Variants in GPHN observed in about 807,000 individuals in gnomAD.
The protein encoded by GPHN is gephyrin.
Under a neutral mutation model 95.5 loss-of-function variants are expected in GPHN, and 17 were observed. That is an observed-to-expected ratio of 0.18 (90% CI 0.12 to 0.27). The LOEUF (loss-of-function observed/expected upper bound fraction) is 0.27, where lower values mean the gene tolerates loss of function less well. Ranked by LOEUF, GPHN falls within the 10% of genes least tolerant of loss-of-function variation. The pLI is 1.00. For missense variants in GPHN, 660 were observed against 978.1 expected (o/e 0.67, Z 4.34); for synonymous variants, 320 against 322.5 (o/e 0.99, Z 0.08).
intron 17 of GPHN, among the ~76,000 whole-genome samples, chr14:67,131,465 A>G (rs563484601): frequency 2.0e-5 from 3 of 152,280 alleles, no homozygotes; most frequent in African/African-American, 7.2e-5. Flanking sequence ...GAAACTTTCA[A>G]TTATACAACA....
rs1037608973 is a variant in GPHN at position 67,001,132 on chromosome 14, AT to A, written c.964-22500del. Reference sequence around the variant, plus strand: ...CTCCCTTAAAACTAATATATAAACTATATGTATCTTTGAGAGAGAAAGGAGA... The same window carrying A: ...CTCCCTTAAAACTAATATATAAACTAATGTATCTTTGAGAGAGAAAGGAGA... On this transcript the variant is annotated intron_variant, in intron 9 of 22. Transcript: ENST00000478722. Among the ~76,000 whole-genome samples the A allele has an allele frequency of 5.9e-5, 9 of 151,732 alleles. No homozygotes were observed. In the South Asian group the frequency reaches 1.7e-3, roughly 28 times the overall value.
At chr14:67,598,206 T>G in the GPHN span, among the ~76,000 whole-genome samples, 7 of 152,168 alleles carry the variant, frequency 4.6e-5, no homozygotes, top group African/African-American at 1.7e-4. Flanking sequence ...GTAAGAAATT[T>G]TGGCACACAG....
intron 3 of GPHN, among the ~76,000 whole-genome samples, chr14:66,798,293 G>A (rs573162276): frequency 2.6e-4 from 40 of 151,660 alleles, no homozygotes; most frequent in African/African-American, 8.9e-4. Flanking sequence ...TCTTTTTTAT[G>A]TGTGTTTGGT....
intron 3 of GPHN, among the ~76,000 whole-genome samples, chr14:66,785,962 AT>A (rs1361238363): frequency 6.6e-6 from 1 of 152,152 alleles, no homozygotes; most frequent in African/African-American, 2.4e-5. Context: ...AAGTTCTCAA[AT>A]CAGTAATCTA....
At chr14:66,545,709 G>A (rs1428452060) in intron 1 of GPHN, among the ~76,000 whole-genome samples, 7 of 127,584 alleles carry the variant, frequency 5.5e-5, no homozygotes, top group East Asian at 2.7e-4. Context: ...CTCACCTCCC[G>A]GACGGGGTGG....
At chr14:66,724,399 A>G (rs2071040077) in intron 2 of GPHN, among the ~76,000 whole-genome samples, 1 of 152,188 alleles carries the variant, frequency 6.6e-6, no homozygotes, top group Non-Finnish European at 1.5e-5. Flanking sequence ...GTTTTCTCCA[A>G]ACTCTGTCTG....
intron 8 of GPHN, among the ~76,000 whole-genome samples, chr14:66,945,187 A>G (rs1364743914): frequency 6.6e-6 from 1 of 152,226 alleles, no homozygotes; most frequent in Admixed American, 6.5e-5. Flanking sequence ...TGTGAAAAAA[A>G]AAGGGAAACA....
At chr14:67,431,473 G>A in the GPHN span, among the ~76,000 whole-genome samples, 1 of 149,242 alleles carries the variant, frequency 6.7e-6, no homozygotes, top group Non-Finnish European at 1.5e-5. Context: ...AGAATCGCTT[G>A]AGCCCAGGAG....
the GPHN span, chr14:67,678,381 C>G: frequency 1.2e-6 from 2 of 1,614,084 alleles, no homozygotes; most frequent in Admixed American, 3.3e-5. Flanking sequence ...TTGCTATAGT[C>G]TCATTACGAG....
chr14:67,710,751 C>T, the GPHN span, among the ~76,000 whole-genome samples: 7 of 150,932 alleles, frequency 4.6e-5, 1 homozygote, highest in African/African-American at 1.7e-4. Context: ...AGAACGTTTT[C>T]CTACAATTAT....
At position 67,122,345 on chromosome 14, in the gene GPHN, C is replaced by T. The variant is rs1432243324; in HGVS notation, c.1716C>T (p.Tyr572=). ...TAGCAACAATTCAGGAACATGGTTA[C>T]CCCACGATCAACTTGGGTATTGTAG... ...TLLATIQEHG[Y]PTINLGIVGD... Residue 572 remains tyrosine (Y), a synonymous_variant, in exon 17 of 23, where the codon TAC becomes TAT. Transcript: ENST00000478722. 13 of 1,612,792 alleles carry T rather than the reference C, an allele frequency of 8.1e-6. No homozygotes were observed. The highest frequency in any genetic ancestry group is 2.7e-5 in the African/African-American group (2 of 74,878).
At chr14:67,524,246 C>T in the GPHN span, among the ~76,000 whole-genome samples, 2 of 152,128 alleles carry the variant, frequency 1.3e-5, no homozygotes, top group Admixed American at 6.5e-5. Flanking sequence ...TGCCACCAAA[C>T]CTGGCTCTGT....
the GPHN span, chr14:67,302,121 A>G: frequency 7.5e-6 from 12 of 1,599,924 alleles, no homozygotes; most frequent in Admixed American, 8.7e-5. Flanking sequence ...TTCCGTTGGT[A>G]AGTGTCCCAC....
the GPHN span, chr14:67,412,088 A>G: frequency 1.1e-5 from 16 of 1,502,774 alleles, no homozygotes; most frequent in Non-Finnish European, 1.4e-5. Flanking sequence ...GGGCCACCCC[A>G]GGTGCGCCTT....
chr14:67,650,105 T>C, the GPHN span: 1 of 153,796 alleles, frequency 6.5e-6, no homozygotes, highest in Non-Finnish European at 1.4e-5. Flanking sequence ...TACAAGACAC[T>C]GGGTCAGTCT....
chr14:66,686,955 C>G, intron 2 of GPHN, among the ~76,000 whole-genome samples: 1 of 152,110 alleles, frequency 6.6e-6, no homozygotes, highest in Non-Finnish European at 1.5e-5. Flanking sequence ...GAGTTTTTAG[C>G]ATGAGGGGCA....
intron 8 of GPHN, among the ~76,000 whole-genome samples, chr14:66,949,924 T>G (rs1212861907): frequency 6.6e-6 from 1 of 151,252 alleles, no homozygotes; most frequent in African/African-American, 2.4e-5. Context: ...ATTCTGATTT[T>G]TATAATGTAA....
rs528539293 is a variant in GPHN at position 66,864,821 on chromosome 14, A to G, written c.295-15118A>G. Among the ~76,000 whole-genome samples, 99 of 152,242 alleles carry G rather than the reference A, an allele frequency of 6.5e-4. No homozygotes were observed. In the Middle Eastern group the frequency reaches 0.027, roughly 42 times the overall value. ...ATTTCCAAGGAATATCTGCACTCCCATGTTTCTGGCAGCACTGTTCACAAT... is the reference window on the plus strand; with the variant it reads ...ATTTCCAAGGAATATCTGCACTCCCGTGTTTCTGGCAGCACTGTTCACAAT... On this transcript the variant is annotated intron_variant, in intron 4 of 22. Coordinates refer to ENST00000478722, the MANE Select transcript of GPHN (RefSeq NM_020806.5).
chr14:67,169,099 C>T, intron 21 of GPHN, 63 bp downstream of exon 21: 1 of 952,412 alleles, frequency 1.0e-6, no homozygotes, highest in Non-Finnish European at 1.7e-6. Context: ...GATATGATTT[C>T]CTAACTGTCC....
Sources: gnomAD v4.1 joint callset for allele counts (sites outside exome capture counted in the v4.1 genomes callset) on GRCh38, gnomAD v4.1.1 for gene constraint, MANE v1.5 for transcripts, NCBI Gene and HGNC (gene_info 2026-07-23, HGNC 2026-07-21) for gene names.